STXBP3: variants seen among roughly 807,000 people sequenced by gnomAD.
The protein encoded by STXBP3 is syntaxin-binding protein 3.
A neutral mutation model predicts 85.7 loss-of-function variants in STXBP3; 41 were observed. That is an observed-to-expected ratio of 0.48 (90% CI 0.37 to 0.62). The LOEUF (loss-of-function observed/expected upper bound fraction) is 0.62, where lower values mean the gene tolerates loss of function less well. Ranked by LOEUF, STXBP3 falls within the 20% of genes least tolerant of loss-of-function variation. STXBP3 has a pLI of 0.00. For missense variants in STXBP3, 563 were observed against 703.1 expected, an observed-to-expected ratio of 0.80 and a Z score of 2.25; for synonymous variants, 229 against 231.7, an observed-to-expected ratio of 0.99 and a Z score of 0.10.
At chr1:108,782,287 A>G (rs1662729608) in intron 9 of STXBP3, 135 bp from the exon 10 acceptor site, 5 of 641,978 alleles carry the variant, frequency 7.8e-6, no homozygotes, top group South Asian at 4.4e-5. Flanking sequence ...GTAGGTATTC[A>G]TTACCCCCCT....
chr1:108,808,942 T>TG lies in STXBP3; in HGVS notation c.*66dup. ...TTGAACTAAAATAGAAAGAAAATGT[T>TG]GCTGTCATGTAATTTAAACAATGTA... is the stretch of plus-strand genomic sequence containing the variant. On this transcript the variant is annotated 3_prime_UTR_variant, in exon 19 of 19. Coordinates refer to ENST00000370008, the MANE Select transcript of STXBP3 (RefSeq NM_007269.4). 2 of 1,089,640 alleles carry TG rather than the reference T, an allele frequency of 1.8e-6. No homozygotes were observed. The highest frequency in any genetic ancestry group is 2.7e-6 in the Non-Finnish European group (2 of 739,190). The allele number at this position is 1,089,640 out of a possible 1,614,324, so 67.5% of individuals were successfully genotyped here.
At chr1:108,791,335 C>CTAT (rs1451667934) in intron 11 of STXBP3, among the ~76,000 whole-genome samples, 1 of 152,102 alleles carries the variant, frequency 6.6e-6, no homozygotes, top group African/African-American at 2.4e-5. Flanking sequence ...GGTTTGCTTG[C>CTAT]TATTTATCCT....
chr1:108,767,095 TCTC>T, intron 6 of STXBP3: 1 of 334,588 alleles, frequency 3.0e-6, no homozygotes, highest in Non-Finnish European at 5.9e-6. Flanking sequence ...GGTGCTGGCT[TCTC>T]CTCCCTCTGC....
At chr1:108,782,540 T>A in intron 10 of STXBP3, 23 bp downstream of exon 10, 2 of 1,609,850 alleles carry the variant, frequency 1.2e-6, no homozygotes, top group Non-Finnish European at 1.7e-6. Context: ...ATTTTAATTT[T>A]TGTTCCATAA....
At position 108,796,616 on chromosome 1, in the gene STXBP3, T is replaced by G. The variant is rs764668041; in HGVS notation, c.1250-4T>G. 28 of 1,611,960 alleles carry G rather than the reference T, an allele frequency of 1.7e-5. No individual in the cohort carries two copies. The highest frequency in any genetic ancestry group is 2.2e-5 in the Non-Finnish European group (26 of 1,179,034). ...TTGTGCACTCATATTTTTACCTATT[T>G]AAGGAACTACGGAAGAAAATTTGGA... On this transcript the variant is annotated splice_polypyrimidine_tract_variant and splice_region_variant and intron_variant, in intron 14 of 18. Transcript: ENST00000370008.
intron 11 of STXBP3, 49 bp downstream of exon 11, chr1:108,782,755 A>G (rs1258069855): frequency 2.0e-6 from 3 of 1,490,134 alleles, no homozygotes; most frequent in African/African-American, 2.8e-5. Flanking sequence ...TGAATTTTAA[A>G]GTTTGTTTAA....
chr1:108,786,772 T>C (rs1490066931), intron 11 of STXBP3, among the ~76,000 whole-genome samples: 1 of 152,224 alleles, frequency 6.6e-6, no homozygotes, highest in Non-Finnish European at 1.5e-5. Context: ...CTTTGTCTTT[T>C]AATACACATT....
intron 8 of STXBP3, among the ~76,000 whole-genome samples, chr1:108,778,623 G>A (rs1690732): frequency 0.73 from 110,677 of 152,082 alleles, 41,328 homozygotes; most frequent in African/African-American, 0.78. Flanking sequence ...AAATGAAATA[G>A]TCCATGTATT....
In STXBP3 at chr1:108,800,208, T is replaced by G; in HGVS notation, c.1450-12T>G. 2 of 1,589,056 alleles carry G rather than the reference T, an allele frequency of 1.3e-6. No individual in the cohort carries two copies. The highest frequency in any genetic ancestry group is 1.7e-6 in the Non-Finnish European group (2 of 1,157,796). On this transcript the variant is annotated splice_polypyrimidine_tract_variant and intron_variant, in intron 16 of 18. Coordinates refer to ENST00000370008, the MANE Select transcript of STXBP3 (RefSeq NM_007269.4). ...CAATTTTATTGATGGAATTAACTCT[T>G]TCCTTCCTTAGGATGCTATTGATAA...
intron 8 of STXBP3, among the ~76,000 whole-genome samples, chr1:108,777,245 A>G (rs1662610114): frequency 6.6e-6 from 1 of 152,180 alleles, no homozygotes; most frequent in Non-Finnish European, 1.5e-5. Context: ...TATACAGAGT[A>G]TAATGGGAAT....
intron 6 of STXBP3, among the ~76,000 whole-genome samples, chr1:108,761,360 T>A (rs757965242): frequency 1.3e-5 from 2 of 152,194 alleles, no homozygotes; most frequent in African/African-American, 2.4e-5. Flanking sequence ...CTGAAAATGA[T>A]GTAGGATTTA....
intron 11 of STXBP3, among the ~76,000 whole-genome samples, chr1:108,791,391 C>G (rs1662971531): frequency 6.6e-6 from 1 of 152,100 alleles, no homozygotes; most frequent in Admixed American, 6.5e-5. Flanking sequence ...TGATAACTTT[C>G]ATTATGTTTG....
Position 108,753,122 on chromosome 1 carries a change from T to C in STXBP3, c.159T>C (p.Asp53=), listed in dbSNP as rs1394446906. 9 of 1,587,940 alleles carry C rather than the reference T, an allele frequency of 5.7e-6. No homozygotes were observed. Among genetic ancestry groups the C allele is most frequent in the Non-Finnish European group, 7.7e-6 (9 of 1,169,174 alleles). The change falls in exon 3 of 19, where the codon GAT becomes GAC. Residue 53 remains aspartate, a synonymous_variant. Transcript: ENST00000370008. ...KLLASCCKMT[D]LLEEGITVVE... is the part of the protein sequence containing the mutation. ...TGGCATCGTGTTGCAAAATGACAGATCTTCTAGAAGAAGGTATTACTGGTA... is the reference window on the plus strand; with the variant it reads ...TGGCATCGTGTTGCAAAATGACAGACCTTCTAGAAGAAGGTATTACTGGTA...
At chr1:108,759,768 G>A (rs1662095542) in intron 5 of STXBP3, among the ~76,000 whole-genome samples, 1 of 152,154 alleles carries the variant, frequency 6.6e-6, no homozygotes, top group Non-Finnish European at 1.5e-5. Flanking sequence ...TGAGGTTGTG[G>A]TGGATGTGAA....
intron 11 of STXBP3, among the ~76,000 whole-genome samples, chr1:108,788,168 C>A (rs1662898975): frequency 6.6e-6 from 1 of 152,024 alleles, no homozygotes; most frequent in East Asian, 1.9e-4. Flanking sequence ...CTTTTTTTCC[C>A]CTTTATTCTG....
At chr1:108,786,664 C>A (rs927768446) in intron 11 of STXBP3, among the ~76,000 whole-genome samples, 2 of 152,188 alleles carry the variant, frequency 1.3e-5, no homozygotes, top group Non-Finnish European at 2.9e-5. Context: ...TGTAACAAGA[C>A]CACACTGTCT....
intron 3 of STXBP3, among the ~76,000 whole-genome samples, chr1:108,756,416 A>G (rs972048396): frequency 6.6e-6 from 1 of 152,132 alleles, no homozygotes; most frequent in African/African-American, 2.4e-5. Flanking sequence ...TGAGTAATTC[A>G]TGTAAGAAAA....
chr1:108,792,013 C>T (rs916033870), intron 11 of STXBP3, among the ~76,000 whole-genome samples: 11 of 152,172 alleles, frequency 7.2e-5, no homozygotes, highest in Admixed American at 1.3e-4. Context: ...GGATGTACCA[C>T]AAGTTGTTTA....
intron 1 of STXBP3, among the ~76,000 whole-genome samples, 179 bp from the exon 2 acceptor site, chr1:108,752,078 A>T (rs1429196255): frequency 1.3e-5 from 2 of 152,192 alleles, no homozygotes; most frequent in African/African-American, 4.8e-5. Context: ...TACAGTTTAA[A>T]TGTACTGTAT....
Sources: gnomAD v4.1 joint callset for allele counts (sites outside exome capture counted in the v4.1 genomes callset) on GRCh38, gnomAD v4.1.1 for gene constraint, MANE v1.5 for transcripts, NCBI Gene and HGNC (gene_info 2026-07-23, HGNC 2026-07-21) for gene names.